Variants in ANKS1A observed in about 807,000 individuals in gnomAD.
ANKS1A encodes the protein ankyrin repeat and SAM domain-containing protein 1A.
In ANKS1A, 55 loss-of-function variants were observed where a neutral mutation model predicts 120.3. The observed-to-expected ratio is 0.46, with a 90% confidence interval of 0.37 to 0.57. The LOEUF is 0.57. ANKS1A is among the 20% of genes least tolerant of loss of function. The pLI is 0.00. For missense variants in ANKS1A, 1,123 were observed against 1,480.3 expected, an observed-to-expected ratio of 0.76 and a Z score of 3.96; for synonymous variants, 590 against 604.7, an observed-to-expected ratio of 0.98 and a Z score of 0.36.
chr6:34,898,717 T>A (rs1423247089), intron 1 of ANKS1A, among the ~76,000 whole-genome samples: 1 of 152,206 alleles, frequency 6.6e-6, no homozygotes, highest in Non-Finnish European at 1.5e-5. Flanking sequence ...TGTTTTTTTC[T>A]GTGCAAACTT....
intron 13 of ANKS1A, among the ~76,000 whole-genome samples, chr6:35,070,591 G>A (rs967636820): frequency 1.7e-4 from 25 of 143,494 alleles, no homozygotes; most frequent in African/African-American, 5.4e-4. Flanking sequence ...CCAGGTTCAT[G>A]CCATTCTTCT....
chr6:35,088,585 C>G (rs369607483), intron 23 of ANKS1A, 21 bp from the exon 24 acceptor site: 358 of 1,614,200 alleles, frequency 2.2e-4, no homozygotes, highest in Middle Eastern at 4.9e-4. Context: ...TTTCCTCCCC[C>G]CATTGTTTGC....
intron 13 of ANKS1A, among the ~76,000 whole-genome samples, chr6:35,075,531 T>G (rs1167537608): frequency 6.7e-6 from 1 of 150,064 alleles, no homozygotes; most frequent in East Asian, 2.1e-4. Flanking sequence ...TTCTCCTGCC[T>G]CAGCCTCCCG....
In ANKS1A at chr6:35,088,511, G is replaced by A. The variant is rs542323315; in HGVS notation, c.3402-95G>A. On this transcript the variant is annotated intron_variant, in intron 23 of 23. Transcript: ENST00000360359. Reference sequence around the variant, plus strand: ...TGCCCCGGGGAGGCTGTGAGGGATCGTCTGTCCTGCTCTGTGTTTCCTTTC... The same window carrying A: ...TGCCCCGGGGAGGCTGTGAGGGATCATCTGTCCTGCTCTGTGTTTCCTTTC... 239 of 1,529,320 alleles carry A rather than the reference G, an allele frequency of 1.6e-4. 2 individuals are homozygous for A. Among genetic ancestry groups the A allele is most frequent in the South Asian group, 1.1e-3 (99 of 89,366 alleles). 94.7% of individuals were successfully genotyped at this position (1,529,320 alleles called of 1,614,324 possible). A position where few individuals can be genotyped will look rare whatever the true frequency, so the allele number is the denominator to read the frequency against.
At chr6:35,073,703 C>G (rs751299552) in intron 13 of ANKS1A, among the ~76,000 whole-genome samples, 27 of 152,232 alleles carry the variant, frequency 1.8e-4, no homozygotes, top group Non-Finnish European at 3.5e-4. Flanking sequence ...ATAGAAGTGT[C>G]CTGCCATGTA....
intron 13 of ANKS1A, among the ~76,000 whole-genome samples, chr6:35,069,874 A>T (rs916647280): frequency 1.3e-5 from 2 of 152,022 alleles, no homozygotes; most frequent in African/African-American, 2.4e-5. Flanking sequence ...CTAAAAATAG[A>T]AAATTAGCTG....
intron 11 of ANKS1A, among the ~76,000 whole-genome samples, chr6:35,045,389 C>T (rs958449562): frequency 1.3e-4 from 20 of 152,116 alleles, no homozygotes; most frequent in Admixed American, 3.3e-4. Context: ...CCATGAGTGA[C>T]GACTTTTTTT....
chr6:34,962,484 G>A (rs1315931369), intron 1 of ANKS1A, among the ~76,000 whole-genome samples: 4 of 152,086 alleles, frequency 2.6e-5, no homozygotes, highest in Admixed American at 1.3e-4. Context: ...TTTATGGTGA[G>A]AACACTTAAA....
At chr6:35,032,877 T>G (rs180743240) in intron 11 of ANKS1A, among the ~76,000 whole-genome samples, 1 of 152,226 alleles carries the variant, frequency 6.6e-6, no homozygotes, top group South Asian at 2.1e-4. Flanking sequence ...ACTGAATGTC[T>G]TATGACTTTC....
intron 1 of ANKS1A, among the ~76,000 whole-genome samples, chr6:34,965,123 G>C (rs1770830053): frequency 6.6e-6 from 1 of 152,152 alleles, no homozygotes; most frequent in African/African-American, 2.4e-5. Context: ...GGGAACTTTA[G>C]ACAGGAGGTA....
rs1401391098 is a variant in ANKS1A at position 34,985,242 on chromosome 6, T to C, written c.1173T>C (p.Ala391=). ...ACCAAGACTCCACGAACAAGGAGGCTGAGGCAGCAGGAGTGAAACCTGCTG... is the reference window on the plus strand; with the variant it reads ...ACCAAGACTCCACGAACAAGGAGGCCGAGGCAGCAGGAGTGAAACCTGCTG... ...SSDQDSTNKE[A]EAAGVKPAGV... Residue 391 remains alanine, a synonymous_variant, in exon 8 of 24, where the codon GCT becomes GCC. Transcript: ENST00000360359. 1.2e-6 allele frequency: 2 copies of C among 1,614,094 alleles called. No individual in the cohort carries two copies. The highest frequency in any genetic ancestry group is 2.2e-5 in the South Asian group (2 of 91,084).
chr6:35,081,719 C>T (rs820102), intron 17 of ANKS1A, among the ~76,000 whole-genome samples: 148,212 of 152,360 alleles, frequency 0.97, 72,098 homozygotes, highest in East Asian at 1. Context: ...TCCCGGTGCC[C>T]GCTCCAGCCC....
chr6:35,040,141 C>T (rs547866307), intron 11 of ANKS1A, among the ~76,000 whole-genome samples: 23 of 152,340 alleles, frequency 1.5e-4, no homozygotes, highest in Middle Eastern at 3.4e-3. Flanking sequence ...GTATCTTCAT[C>T]AAGGGCTGCT....
At chr6:35,068,907 G>A (rs1776930855) in intron 13 of ANKS1A, among the ~76,000 whole-genome samples, 1 of 152,202 alleles carries the variant, frequency 6.6e-6, no homozygotes, top group African/African-American at 2.4e-5. Context: ...TGGAGCTAGA[G>A]TCCAGGCTGG....
At chr6:35,013,955 T>C (rs915365584) in intron 10 of ANKS1A, among the ~76,000 whole-genome samples, 6 of 152,242 alleles carry the variant, frequency 3.9e-5, no homozygotes, top group African/African-American at 1.4e-4. Flanking sequence ...ATTGAGAGCG[T>C]GGCATGTGCT....
chr6:35,051,602 C>G (rs820097), intron 11 of ANKS1A, among the ~76,000 whole-genome samples: 61,790 of 151,994 alleles, frequency 0.41, 12,924 homozygotes, highest in East Asian at 0.62. Flanking sequence ...TCAATAGGTT[C>G]TCTATTTACC....
intron 11 of ANKS1A, 82 bp downstream of exon 11, chr6:35,018,141 C>G: frequency 7.1e-7 from 1 of 1,399,738 alleles, no homozygotes; most frequent in Non-Finnish European, 9.8e-7. Context: ...TGCCAACTCT[C>G]AGGCCCAGGA....
Position 35,044,357 on chromosome 6 carries a change from C to T in ANKS1A, c.2011-9742C>T, listed in dbSNP as rs1775616560. On this transcript the variant is annotated intron_variant, in intron 11 of 23. Coordinates refer to ENST00000360359, the MANE Select transcript of ANKS1A (RefSeq NM_015245.3). This position sits in a 1 kb window ranked among gnomAD's most constrained non-coding sequence, Gnocchi z 4.4. ...GCGGAGGTGTGGGAAGAACAAGTTC[C>T]TTGCTCACAGCCGCGTTGCTGAAAG... Among the ~76,000 whole-genome samples, 1 of 152,238 alleles carries T rather than the reference C, an allele frequency of 6.6e-6. No homozygotes were observed.
At position 34,982,956 on chromosome 6, in the gene ANKS1A, C is replaced by T; in HGVS notation, c.808+129C>T. ...TATGTGTATCTCCACTGGTTGATTA[C>T]AAGTGTGTAAACTGTTCTTGAATAG... On this transcript the variant is annotated intron_variant, in intron 5 of 23. Coordinates refer to ENST00000360359, the MANE Select transcript of ANKS1A (RefSeq NM_015245.3). This position sits in a 1 kb window ranked among gnomAD's most constrained non-coding sequence, Gnocchi z 4.9. 1.5e-6 allele frequency: 2 copies of T among 1,298,794 alleles called. No homozygotes were observed. The highest frequency in any genetic ancestry group is 4.6e-5 in the East Asian group (2 of 43,288). The allele number at this position is 1,298,794 out of a possible 1,614,324, so 80.5% of individuals were successfully genotyped here. A position where few individuals can be genotyped will look rare whatever the true frequency, so the allele number is the denominator to read the frequency against.
Sources: gnomAD v4.1 joint callset for allele counts (sites outside exome capture counted in the v4.1 genomes callset) on GRCh38, gnomAD v4.1.1 for gene constraint, Gnocchi (gnomAD v3.1) non-coding constraint, MANE v1.5 for transcripts, NCBI Gene and HGNC (gene_info 2026-07-23, HGNC 2026-07-21) for gene names.